The following AHCYL2 variants were observed in gnomAD, a reference collection of about 807,000 sequenced individuals.
AHCYL2 encodes S-adenosylhomocysteine hydrolase-like protein 2.
AHCYL2 carries 28 observed loss-of-function variants against 81.4 expected under a neutral mutation model. That is an observed-to-expected ratio of 0.34 (90% CI 0.25 to 0.47). The LOEUF (loss-of-function observed/expected upper bound fraction) is 0.47. Ranked by LOEUF, AHCYL2 falls within the 20% of genes least tolerant of loss-of-function variation. The pLI is 1.00. For synonymous variants in AHCYL2, 272 were observed against 290.2 expected (o/e 0.94, Z 0.64); for missense variants, 551 against 785.1 (o/e 0.70, Z 3.56).
rs372445200 is a variant in AHCYL2 at position 129,403,503 on chromosome 7, C to T, written c.1025+18C>T. 20 of 1,533,786 alleles carry T rather than the reference C, an allele frequency of 1.3e-5. No individual in the cohort carries two copies. In the African/African-American group the frequency reaches 2.2e-4, roughly 17 times the overall value. ...GTTCACAGGTAAGATTTGACATGGG[C>T]ATACCTGGTTTTATGCAGTCTAGAC... On this transcript the variant is annotated intron_variant, in intron 7 of 16. Transcript: ENST00000325006.
intron 1 of AHCYL2, among the ~76,000 whole-genome samples, chr7:129,244,240 G>A (rs898325295): frequency 6.6e-6 from 1 of 151,016 alleles, no homozygotes; most frequent in Admixed American, 6.6e-5. Flanking sequence ...CTGGGCTCAA[G>A]CAATCCTTCA....
intron 12 of AHCYL2, among the ~76,000 whole-genome samples, chr7:129,417,117 C>A (rs1796895723): frequency 6.6e-6 from 1 of 152,014 alleles, no homozygotes; most frequent in African/African-American, 2.4e-5. Context: ...AGAGTGAGAC[C>A]CTGACTCCGG....
At chr7:129,294,280 A>G (rs1796979863) in intron 1 of AHCYL2, among the ~76,000 whole-genome samples, 1 of 151,730 alleles carries the variant, frequency 6.6e-6, no homozygotes, top group South Asian at 2.1e-4. Flanking sequence ...AAAATCCCAC[A>G]TGTCTGACGG....
chr7:129,407,778 T>C lies in AHCYL2; in HGVS notation c.1295+1312T>C, dbSNP rs556160061. On this transcript the variant is annotated intron_variant, in intron 10 of 16. Coordinates refer to ENST00000325006, the MANE Select transcript of AHCYL2 (RefSeq NM_015328.4). ...GAAGCACACAGACAGATAACCACTGTGCAGCAAAGTAAGTGCTGTCATGGA... is the reference window on the plus strand; with the variant it reads ...GAAGCACACAGACAGATAACCACTGCGCAGCAAAGTAAGTGCTGTCATGGA... Among the ~76,000 whole-genome samples the C allele has an allele frequency of 3.3e-5, 5 of 152,318 alleles. No individual in the cohort carries two copies. In the East Asian group the frequency reaches 9.6e-4, roughly 29 times the overall value.
intron 1 of AHCYL2, among the ~76,000 whole-genome samples, chr7:129,227,369 C>T (rs973287437): frequency 6.6e-6 from 1 of 150,934 alleles, no homozygotes; most frequent in African/African-American, 2.4e-5. Context: ...GTCTGTAATC[C>T]CAGCACTTTG....
intron 11 of AHCYL2, among the ~76,000 whole-genome samples, chr7:129,409,852 A>T (rs1017305766): frequency 1.7e-4 from 26 of 150,594 alleles, no homozygotes; most frequent in Non-Finnish European, 3.6e-4. Context: ...GAAGCCAGAT[A>T]TTTTTTTTTT....
intron 1 of AHCYL2, among the ~76,000 whole-genome samples, chr7:129,277,366 C>T (rs1796258992): frequency 6.6e-6 from 1 of 151,758 alleles, no homozygotes; most frequent in Non-Finnish European, 1.5e-5. Flanking sequence ...CAACCTCCGC[C>T]TCCTGGGTTC....
intron 1 of AHCYL2, among the ~76,000 whole-genome samples, chr7:129,314,868 A>C (rs1797778953): frequency 6.6e-6 from 1 of 152,144 alleles, no homozygotes; most frequent in African/African-American, 2.4e-5. Flanking sequence ...TACAGAGTAC[A>C]TTTTACTAAA....
At chr7:129,378,116 G>A (rs868749498) in intron 1 of AHCYL2, among the ~76,000 whole-genome samples, 14 of 152,080 alleles carry the variant, frequency 9.2e-5, no homozygotes, top group East Asian at 7.7e-4. Flanking sequence ...GATTGAGACC[G>A]TCCTGGCCAA....
intron 12 of AHCYL2, among the ~76,000 whole-genome samples, chr7:129,414,416 G>GTTTTT (rs1584903718): frequency 2.6e-5 from 2 of 77,076 alleles, no homozygotes; most frequent in African/African-American, 3.9e-5. Flanking sequence ...TAGAAATGTT[G>GTTTTT]TTTCTTTTTT....
chr7:129,376,701 T>C (rs1794705180), intron 1 of AHCYL2, among the ~76,000 whole-genome samples: 1 of 152,242 alleles, frequency 6.6e-6, no homozygotes, highest in African/African-American at 2.4e-5. Flanking sequence ...TGTGTGCATA[T>C]GCACCCACAT....
intron 1 of AHCYL2, among the ~76,000 whole-genome samples, chr7:129,356,083 C>T (rs1395527746): frequency 6.6e-6 from 1 of 152,138 alleles, no homozygotes; most frequent in Non-Finnish European, 1.5e-5. Flanking sequence ...TCCTTCAACT[C>T]GGCATTCAAA....
chr7:129,422,309 G>A (rs1797153006), intron 12 of AHCYL2, among the ~76,000 whole-genome samples: 1 of 152,126 alleles, frequency 6.6e-6, no homozygotes, highest in Admixed American at 6.5e-5. Flanking sequence ...TGGGACCTTC[G>A]GATATGAGGG....
chr7:129,225,099 C>T lies in AHCYL2; in HGVS notation c.23C>T (p.Ala8Val), dbSNP rs759520658. The T allele has an allele frequency of 2.1e-5, 34 of 1,596,560 alleles. No homozygotes were observed. Among genetic ancestry groups the T allele is most frequent in the Non-Finnish European group, 2.9e-5 (34 of 1,173,042 alleles). The change falls in exon 1 of 17, where the codon GCC becomes GTC. Residue 8 changes from alanine to valine, a missense_variant. Coordinates refer to ENST00000325006, the MANE Select transcript of AHCYL2 (RefSeq NM_015328.4). MSVQVVS[A>V]AAAAKVPEVE... ...GTGATGTCGGTGCAGGTTGTGTCAG[C>T]CGCGGCTGCCGCCAAGGTGCCTGAG...
intron 1 of AHCYL2, among the ~76,000 whole-genome samples, chr7:129,241,415 A>G (rs1179083283): frequency 6.6e-6 from 1 of 152,092 alleles, no homozygotes; most frequent in Non-Finnish European, 1.5e-5. Context: ...ACATGGTGAA[A>G]CCTTGTCTCT....
chr7:129,392,874 T>C (rs891456255), intron 4 of AHCYL2, among the ~76,000 whole-genome samples: 1 of 152,256 alleles, frequency 6.6e-6, no homozygotes, highest in Admixed American at 6.5e-5. Flanking sequence ...TTTCATGACC[T>C]TGACACTTTT....
chr7:129,372,487 T>C (rs770099922), intron 1 of AHCYL2, among the ~76,000 whole-genome samples: 3 of 152,194 alleles, frequency 2.0e-5, no homozygotes, highest in Non-Finnish European at 2.9e-5. Context: ...GACCCAGTTT[T>C]CTTTAGACCC....
chr7:129,287,603 C>T (rs1424520441), intron 1 of AHCYL2, among the ~76,000 whole-genome samples: 1 of 152,124 alleles, frequency 6.6e-6, no homozygotes, highest in Non-Finnish European at 1.5e-5. Flanking sequence ...GAAAGAAAAA[C>T]CAAGGAATTT....
intron 1 of AHCYL2, among the ~76,000 whole-genome samples, chr7:129,290,669 G>A (rs1349733647): frequency 6.6e-6 from 1 of 152,062 alleles, no homozygotes; most frequent in Non-Finnish European, 1.5e-5. Context: ...GGTGGCTCAC[G>A]CCTGTAATCC....
Sources: gnomAD v4.1 joint callset for allele counts (sites outside exome capture counted in the v4.1 genomes callset) on GRCh38, gnomAD v4.1.1 for gene constraint, MANE v1.5 for transcripts, NCBI Gene and HGNC (gene_info 2026-07-23, HGNC 2026-07-21) for gene names.